TMEM167B: variants seen among roughly 807,000 people sequenced by gnomAD.
TMEM167B encodes the protein protein kish-B.
A neutral mutation model predicts 9.4 loss-of-function variants in TMEM167B; 2 were observed. The ratio of observed to expected loss-of-function variants is 0.21; its 90% confidence interval spans 0.09 to 0.67. The LOEUF is 0.67. Among genes scored for constraint, TMEM167B ranks in the 30% least tolerant of loss-of-function variants. TMEM167B has a pLI of 0.82. For missense variants in TMEM167B, 68 were observed against 87.6 expected (o/e 0.78, Z 0.89); for synonymous variants, 28 against 32.0 (o/e 0.87, Z 0.42).
intron 2 of TMEM167B, among the ~76,000 whole-genome samples, chr1:109,094,008 G>A (rs1210287398): frequency 2.6e-5 from 4 of 152,126 alleles, no homozygotes; most frequent in East Asian, 1.9e-4. Flanking sequence ...AGCCGGGCAC[G>A]GTGGCTCACG....
At position 109,095,508 on chromosome 1, in the gene TMEM167B, GACA is replaced by G. The variant is rs1664546930; in HGVS notation, c.*1014_*1016del. 1 of 152,010 alleles carries G rather than the reference GACA, an allele frequency of 6.6e-6. No homozygotes were observed. Among genetic ancestry groups the G allele is most frequent in the African/African-American group, 2.4e-5 (1 of 41,376 alleles). 9.4% of individuals were successfully genotyped at this position (152,010 alleles called of 1,614,324 possible). A position where few individuals can be genotyped will look rare whatever the true frequency, so the allele number is the denominator to read the frequency against. ...ATTGAAGTTTTGTCATCTTATAAAA[GACA>G]ACAAACTTATTTTCTGTTTAAGTCT... is the stretch of plus-strand genomic sequence containing the variant. On this transcript the variant is annotated 3_prime_UTR_variant, in exon 3 of 3. Coordinates refer to ENST00000338272, the MANE Select transcript of TMEM167B (RefSeq NM_020141.4).
At position 109,090,869 on chromosome 1, in the gene TMEM167B, C is replaced by T. The variant is rs1238642463; in HGVS notation, c.-4C>T. On this transcript the variant is annotated 5_prime_UTR_variant, in exon 1 of 3. Coordinates refer to ENST00000338272, the MANE Select transcript of TMEM167B (RefSeq NM_020141.4). Reference sequence around the variant, plus strand: ...CCCCCTACCCAGGTCCAGGGCCAGCCGCCATGACGAACGGTGAGAACTGAT... The same window carrying T: ...CCCCCTACCCAGGTCCAGGGCCAGCTGCCATGACGAACGGTGAGAACTGAT... 15 of 1,594,614 alleles carry T rather than the reference C, an allele frequency of 9.4e-6. No homozygotes were observed. The Admixed American group carries it at 2.6e-4, about 28-fold the overall frequency.
chr1:109,091,524 C>G (rs756744248), intron 1 of TMEM167B: 4 of 152,112 alleles, frequency 2.6e-5, no homozygotes, highest in Non-Finnish European at 4.4e-5. Flanking sequence ...ATTCTGAATT[C>G]CAGAGGAGGA....
At chr1:109,092,506 C>T (rs749899298) in intron 1 of TMEM167B, among the ~76,000 whole-genome samples, 37 of 151,968 alleles carry the variant, frequency 2.4e-4, no homozygotes, top group Non-Finnish European at 4.6e-4. Context: ...CTAATTTCTG[C>T]CCAGGATTTC....
At chr1:109,091,244 C>G (rs1243761752) in intron 1 of TMEM167B, among the ~76,000 whole-genome samples, 4 of 152,214 alleles carry the variant, frequency 2.6e-5, no homozygotes, top group African/African-American at 7.2e-5. Flanking sequence ...CGTTCTCATG[C>G]TTTCGGACCG....
At chr1:109,091,766 A>ACCTTAGT (rs559342276) in intron 1 of TMEM167B, 42 of 152,224 alleles carry the variant, frequency 2.8e-4, no homozygotes, top group African/African-American at 9.9e-4. Context: ...TCCTCAGAAA[A>ACCTTAGT]CCTTAGTGTA....
At chr1:109,092,664 T>C (rs1163164057) in intron 1 of TMEM167B, among the ~76,000 whole-genome samples, 1 of 152,180 alleles carries the variant, frequency 6.6e-6, no homozygotes, top group Admixed American at 6.6e-5. Context: ...CTCGAACTCC[T>C]GGGCTCAATT....
intron 1 of TMEM167B, 124 bp downstream of exon 1, chr1:109,091,006 C>G: frequency 1.7e-6 from 2 of 1,187,700 alleles, no homozygotes. Context: ...CTTGGCCTCT[C>G]GACGCCCCTA....
chr1:109,090,834 T>G lies in TMEM167B; in HGVS notation c.-39T>G. ...CCCCCATCTCCGCCGCTATTACCAC[T>G]GAACCCGGACCCCCTACCCAGGTCC... is the stretch of plus-strand genomic sequence containing the variant. On this transcript the variant is annotated 5_prime_UTR_variant, in exon 1 of 3. Transcript: ENST00000338272. The G allele has an allele frequency of 1.9e-6, 3 of 1,578,258 alleles. No homozygotes were observed. The highest frequency in any genetic ancestry group is 2.3e-5 in the East Asian group (1 of 42,736).
rs749080465 is a variant in TMEM167B, at chr1:109,094,419, G to T, written c.145G>T (p.Ala49Ser). The change falls in exon 3 of 3, where the codon GCT (alanine) becomes TCT (serine). Residue 49 changes from alanine to serine, a missense_variant and splice_region_variant. Transcript: ENST00000338272. Reference protein sequence around the residue: ...KGVWGVFYKAAVIGTRLHAAV... With the variant: ...KGVWGVFYKASVIGTRLHAAV... ...TTCTTCTCTCTTTTGCCTGCTAGCC[G>T]CTGTGATTGGAACCAGGCTGCATGC... The T allele has an allele frequency of 1.2e-6, 2 of 1,613,958 alleles. No individual in the cohort carries two copies. Among genetic ancestry groups the T allele is most frequent in the Non-Finnish European group, 8.5e-7 (1 of 1,180,006 alleles).
chr1:109,094,331 G>C, intron 2 of TMEM167B, 86 bp from the exon 3 acceptor site: 1 of 1,340,872 alleles, frequency 7.5e-7, no homozygotes, highest in Non-Finnish European at 1.1e-6. Flanking sequence ...ATGTCTGTCT[G>C]TGACTAGAGA....
chr1:109,095,367 G>A lies in TMEM167B; in HGVS notation c.*868G>A, dbSNP rs1187159047. 6.6e-6 allele frequency: 1 copy of A among 152,116 alleles called. No homozygotes were observed. Among genetic ancestry groups the A allele is most frequent in the Non-Finnish European group, 1.5e-5 (1 of 68,020 alleles). The allele number at this position is 152,116 out of a possible 1,614,324, so 9.4% of individuals were successfully genotyped here. On this transcript the variant is annotated 3_prime_UTR_variant, in exon 3 of 3. Coordinates refer to ENST00000338272, the MANE Select transcript of TMEM167B (RefSeq NM_020141.4). ...TTAAATGCCACGACTAGGGGAAAAA[G>A]AAACTATTGAAGAAATAATTGTTTA...
chr1:109,090,933 ACGTGGCGGGCGGGGC>A, intron 1 of TMEM167B, 51 bp downstream of exon 1: 1 of 1,558,332 alleles, frequency 6.4e-7, no homozygotes, highest in South Asian at 1.2e-5. Context: ...CGAAGGGAAA[ACGTGGCGGGCGGGGC>A]CGGGACTGAC....
chr1:109,094,199 G>A (rs2102128757), intron 2 of TMEM167B, among the ~76,000 whole-genome samples: 1 of 152,250 alleles, frequency 6.6e-6, no homozygotes, highest in East Asian at 1.9e-4. Context: ...AGAATTGCTT[G>A]AACCCGGGTG....
chr1:109,094,258 C>G (rs970153567), intron 2 of TMEM167B, among the ~76,000 whole-genome samples, 159 bp from the exon 3 acceptor site: 6 of 152,126 alleles, frequency 3.9e-5, no homozygotes, highest in African/African-American at 1.4e-4. Context: ...CCAGCCTGGC[C>G]GACAGAGTGA....
rs1570558512 is a variant in TMEM167B at position 109,094,464 on chromosome 1, G to A, written c.190G>A (p.Val64Ile). Residue 64 changes from valine (V) to isoleucine (I), a missense_variant, in exon 3 of 3, where the codon GTT becomes ATT. Coordinates refer to ENST00000338272, the MANE Select transcript of TMEM167B (RefSeq NM_020141.4). The part of the protein sequence containing the change: ...RLHAAVAIAC[V>I]VMAFYVLFIK ...GCATGCTGCTGTGGCAATTGCTTGT[G>A]TTGTAATGGCCTTTTACGTCCTGTT... 1 of 1,614,068 alleles carries A rather than the reference G, an allele frequency of 6.2e-7. No homozygotes were observed. The highest frequency in any genetic ancestry group is 8.5e-7 in the Non-Finnish European group (1 of 1,180,026).
intron 2 of TMEM167B, 88 bp from the exon 3 acceptor site, chr1:109,094,329 C>G (rs1570558382): frequency 7.6e-7 from 1 of 1,310,874 alleles, no homozygotes; most frequent in African/African-American, 1.5e-5. Context: ...ATATGTCTGT[C>G]TGTGACTAGA....
Position 109,094,811 on chromosome 1 carries a change from C to T in TMEM167B, c.*312C>T, listed in dbSNP as rs2102129380. On this transcript the variant is annotated 3_prime_UTR_variant, in exon 3 of 3. Coordinates refer to ENST00000338272, the MANE Select transcript of TMEM167B (RefSeq NM_020141.4). ...ACCTCCTTCATAAAAACCTGTCATC[C>T]TGTTTTGTTCTTCAGCTCCTCATCA... is the stretch of plus-strand genomic sequence containing the variant. 1.1e-5 allele frequency: 3 copies of T among 261,930 alleles called. No individual in the cohort carries two copies. In the South Asian group the frequency reaches 1.9e-4, roughly 17 times the overall value. 16.2% of individuals were successfully genotyped at this position (261,930 alleles called of 1,614,324 possible). A position where few individuals can be genotyped will look rare whatever the true frequency, so the allele number is the denominator to read the frequency against.
intron 1 of TMEM167B, among the ~76,000 whole-genome samples, chr1:109,092,199 A>G (rs1359480301): frequency 6.6e-6 from 1 of 152,154 alleles, no homozygotes; most frequent in Non-Finnish European, 1.5e-5. Context: ...TTTTAGAAAA[A>G]TCTGTTATTA....
Sources: allele counts gnomAD v4.1 joint callset (sites outside exome capture counted in the v4.1 genomes callset), GRCh38; gene constraint gnomAD v4.1.1; transcripts MANE v1.5; gene names NCBI Gene and HGNC (gene_info 2026-07-23, HGNC 2026-07-21).